The following PTPRD variants were observed in gnomAD, a reference collection of about 807,000 sequenced individuals.
PTPRD encodes receptor-type tyrosine-protein phosphatase delta.
PTPRD carries 34 observed loss-of-function variants against 214.5 expected under a neutral mutation model. The ratio of observed to expected loss-of-function variants is 0.16; its 90% confidence interval spans 0.12 to 0.21. PTPRD has a LOEUF of 0.21. Ranked by LOEUF, PTPRD falls within the 10% of genes least tolerant of loss-of-function variation. The pLI is 1.00. For synonymous variants in PTPRD, 1,128 were observed against 845.7 expected (o/e 1.33, Z -5.79); for missense variants, 2,545 against 2,398.7 (o/e 1.06, Z -1.27).
In PTPRD at chr9:9,200,463, C is replaced by T. The variant is rs1430576311; in HGVS notation, c.-202-17100G>A. 2.0e-5 allele frequency among the ~76,000 whole-genome samples: 3 copies of T among 152,300 alleles called. No homozygotes were observed. In the East Asian group the frequency reaches 5.8e-4, roughly 29 times the overall value. On this transcript the variant is annotated intron_variant, in intron 9 of 45. Transcript: ENST00000381196. ...GAAAACAGTTTACACTTGTTGGCTTCACCTATGAGCAATATATTTTGTTGA... is the reference window on the plus strand; with the variant it reads ...GAAAACAGTTTACACTTGTTGGCTTTACCTATGAGCAATATATTTTGTTGA...
intron 3 of PTPRD, among the ~76,000 whole-genome samples, chr9:10,111,965 G>A (rs1333988401): frequency 2.0e-5 from 3 of 152,154 alleles, no homozygotes; most frequent in East Asian, 1.9e-4. Context: ...GCTAAGTCCA[G>A]CAGATGTACT....
At chr9:9,372,363 T>A (rs575374899) in intron 9 of PTPRD, among the ~76,000 whole-genome samples, 27 of 152,322 alleles carry the variant, frequency 1.8e-4, no homozygotes, top group African/African-American at 6.5e-4. Flanking sequence ...TTTACAATTA[T>A]GTAATGGCCT....
intron 11 of PTPRD, among the ~76,000 whole-genome samples, chr9:8,930,524 G>A (rs1342011535): frequency 6.6e-6 from 1 of 152,040 alleles, no homozygotes; most frequent in Non-Finnish European, 1.5e-5. Flanking sequence ...CTAGATCCCG[G>A]AGGAATCGCC....
intron 10 of PTPRD, among the ~76,000 whole-genome samples, chr9:9,164,625 C>A (rs1447627402): frequency 1.3e-5 from 2 of 152,066 alleles, no homozygotes; most frequent in Non-Finnish European, 2.9e-5. Flanking sequence ...CTTCTTTATT[C>A]TTAGTGCCTA....
intron 4 of PTPRD, among the ~76,000 whole-genome samples, chr9:9,949,017 G>A (rs925222362): frequency 6.6e-6 from 1 of 152,046 alleles, no homozygotes; most frequent in East Asian, 1.9e-4. Context: ...TCTGTGGTGG[G>A]ATAAAGGGTG....
chr9:10,383,635 AC>A (rs748689570), intron 2 of PTPRD, among the ~76,000 whole-genome samples: 7 of 151,826 alleles, frequency 4.6e-5, no homozygotes, highest in Non-Finnish European at 8.8e-5. Flanking sequence ...GCACAGTATT[AC>A]CAGAGTTATA....
At chr9:9,697,303 A>G (rs2097396638) in intron 7 of PTPRD, among the ~76,000 whole-genome samples, 1 of 152,046 alleles carries the variant, frequency 6.6e-6, no homozygotes, top group Non-Finnish European at 1.5e-5. Context: ...TTCTCTTTGC[A>G]TATTAGTGTT....
chr9:9,299,519 T>C (rs534209504), intron 9 of PTPRD, among the ~76,000 whole-genome samples: 1 of 151,894 alleles, frequency 6.6e-6, no homozygotes, highest in East Asian at 1.9e-4. Context: ...TATTTGTCTT[T>C]AAATTTTTCT....
intron 5 of PTPRD, among the ~76,000 whole-genome samples, chr9:9,785,336 T>C (rs2098914506): frequency 6.6e-6 from 1 of 152,004 alleles, no homozygotes. Flanking sequence ...ATTTATTAGC[T>C]ATGAAGGGAA....
At chr9:9,426,334 C>A (rs1202149942) in intron 8 of PTPRD, among the ~76,000 whole-genome samples, 1 of 152,196 alleles carries the variant, frequency 6.6e-6, no homozygotes, top group African/African-American at 2.4e-5. Flanking sequence ...TGAGATCGAA[C>A]TGCAAGGCGG....
chr9:10,503,367 G>T (rs1319325984), intron 2 of PTPRD, among the ~76,000 whole-genome samples: 3 of 151,792 alleles, frequency 2.0e-5, no homozygotes, highest in Non-Finnish European at 4.4e-5. Context: ...AGTTCAAAGT[G>T]ATTTAATTTT....
intron 11 of PTPRD, among the ~76,000 whole-genome samples, chr9:8,855,141 T>C (rs2097891649): frequency 6.6e-6 from 1 of 151,940 alleles, no homozygotes; most frequent in Non-Finnish European, 1.5e-5. Flanking sequence ...TTTTTTTTTT[T>C]TTTAATGTCT....
rs2097157745 is a variant in PTPRD, at chr9:8,491,855, C to G, written c.2467+1007G>C. Among the ~76,000 whole-genome samples the G allele has an allele frequency of 2.6e-5, 4 of 152,096 alleles. No homozygotes were observed. The South Asian group carries it at 8.3e-4, about 32-fold the overall frequency. On this transcript the variant is annotated intron_variant, in intron 27 of 45. Coordinates refer to ENST00000381196, the MANE Select transcript of PTPRD (RefSeq NM_002839.4). ...AGCTGTTCTTTACTTTATGCCTTTA[C>G]ATAGAGGTATGTTCCTAAAAAGATA...
intron 9 of PTPRD, among the ~76,000 whole-genome samples, chr9:9,392,885 T>C (rs957733780): frequency 6.6e-6 from 1 of 152,100 alleles, no homozygotes; most frequent in Admixed American, 6.6e-5. Context: ...GTCAGCCACA[T>C]TGAGACAGCC....
In PTPRD at chr9:10,045,124, G is replaced by T. The variant is rs534010450; in HGVS notation, c.-544-11334C>A. Among the ~76,000 whole-genome samples, 7 of 151,808 alleles carry T rather than the reference G, an allele frequency of 4.6e-5. No homozygotes were observed. The East Asian group carries it at 1.4e-3, about 29-fold the overall frequency. The stretch of plus-strand genomic sequence containing the variant: ...CTGGTAATCATCTATGAACTAATTT[G>T]CTCATCCTGTTTTTAAATTTGAATT... On this transcript the variant is annotated intron_variant, in intron 3 of 45. Coordinates refer to ENST00000381196, the MANE Select transcript of PTPRD (RefSeq NM_002839.4).
intron 11 of PTPRD, among the ~76,000 whole-genome samples, chr9:8,761,731 G>GA (rs1260880883): frequency 6.6e-6 from 1 of 152,116 alleles, no homozygotes; most frequent in Non-Finnish European, 1.5e-5. Flanking sequence ...GACGAGAAAT[G>GA]AAAAGATGTA....
chr9:10,529,981 T>C (rs572065183), intron 2 of PTPRD, among the ~76,000 whole-genome samples: 1 of 151,668 alleles, frequency 6.6e-6, no homozygotes, highest in African/African-American at 2.4e-5. Context: ...AGACGACAGG[T>C]TGTTAGGGGC....
chr9:10,576,686 C>G (rs915976597), intron 2 of PTPRD, among the ~76,000 whole-genome samples: 14 of 152,002 alleles, frequency 9.2e-5, no homozygotes, highest in African/African-American at 2.7e-4. Context: ...AAAATAGAAC[C>G]AGTGTCACAG....
intron 3 of PTPRD, among the ~76,000 whole-genome samples, chr9:10,294,389 C>T (rs561661371): frequency 2.0e-5 from 3 of 151,994 alleles, no homozygotes; most frequent in South Asian, 2.1e-4. Context: ...TGGGTGGTTA[C>T]AAGCTAAAGC....
Sources: allele counts gnomAD v4.1 joint callset (sites outside exome capture counted in the v4.1 genomes callset), GRCh38; gene constraint gnomAD v4.1.1; transcripts MANE v1.5; gene names NCBI Gene and HGNC (gene_info 2026-07-23, HGNC 2026-07-21).